CCDC137: variants seen among roughly 807,000 people sequenced by gnomAD.
CCDC137 encodes coiled-coil domain-containing protein 137.
CCDC137 carries 24 observed loss-of-function variants against 30.4 expected under a neutral mutation model. That is an observed-to-expected ratio of 0.79 (90% CI 0.57 to 1.11). The LOEUF is 1.11. Among genes scored for constraint, CCDC137 ranks in the 50% least tolerant of loss-of-function variants. The pLI, the probability that CCDC137 is intolerant of heterozygous loss-of-function variation, is 0.00. For missense variants in CCDC137, 417 were observed against 380.4 expected (o/e 1.10, Z -0.80); for synonymous variants, 182 against 155.7 (o/e 1.17, Z -1.26).
intron 4 of CCDC137, 66 bp from the exon 5 acceptor site, chr17:81,672,010 T>C (rs1303434700): frequency 4.4e-6 from 7 of 1,575,652 alleles, no homozygotes; most frequent in Non-Finnish European, 6.1e-6. Flanking sequence ...GGGCGGGTGG[T>C]GGCTCTGGGT....
At chr17:81,667,965 G>A in intron 2 of CCDC137, 103 bp downstream of exon 2, 1 of 1,385,528 alleles carries the variant, frequency 7.2e-7, no homozygotes, top group South Asian at 1.4e-5. Flanking sequence ...AATATGCCAA[G>A]ACCCGGTGCT....
At chr17:81,670,551 C>A in intron 3 of CCDC137, 98 bp downstream of exon 3, 1 of 1,060,048 alleles carries the variant, frequency 9.4e-7, no homozygotes, top group Non-Finnish European at 1.4e-6. Flanking sequence ...GTTTCATAGC[C>A]ATGGGGCAGC....
At position 81,673,830 on chromosome 17, in the gene CCDC137, C is replaced by T. The variant is rs2036752348; in HGVS notation, c.*1126C>T. ...AACCTTCCAAGTGTGAAGTGACAGC[C>T]TTGTGTGTGATGTTTTCTGCCTTCC... On this transcript the variant is annotated 3_prime_UTR_variant, in exon 6 of 6. Transcript: ENST00000329214. 2.0e-5 allele frequency: 3 copies of T among 152,200 alleles called. No individual in the cohort carries two copies. The highest frequency in any genetic ancestry group is 2.9e-5 in the Non-Finnish European group (2 of 68,044). 9.4% of individuals were successfully genotyped at this position (152,200 alleles called of 1,614,324 possible).
chr17:81,670,277 C>T lies in CCDC137; in HGVS notation c.321C>T (p.Pro107=), dbSNP rs745987889. Residue 107 remains proline, a synonymous_variant, in exon 3 of 6, where the codon CCC becomes CCT. Transcript: ENST00000329214. ...TLEKEAKGEE[P]DIAVPKFKQR... ...AGAAGGAAGCAAAGGGAGAGGAGCC[C>T]GACATCGCAGTCCCCAAGTTCAAAC... 1.2e-5 allele frequency: 19 copies of T among 1,613,860 alleles called. No individual in the cohort carries two copies. In the East Asian group the frequency reaches 1.3e-4, roughly 11 times the overall value.
At position 81,671,760 on chromosome 17, in the gene CCDC137, C is replaced by T. The variant is rs1263279546; in HGVS notation, c.514C>T (p.Leu172=). ...CTTCCCCAGGTTCCAGAAGCGGCGA[C>T]TAGATAAAGTCCGACGGAAAAAGGA... is the stretch of plus-strand genomic sequence containing the variant. ...KAKKAFQKRR[L]DKVRRKKEEK... is the part of the protein sequence containing the mutation. Residue 172 remains leucine, a synonymous_variant, in exon 4 of 6, where the codon CTA becomes TTA. Transcript: ENST00000329214. The T allele has an allele frequency of 1.9e-6, 3 of 1,612,224 alleles. No homozygotes were observed. The African/African-American group carries it at 4.0e-5, about 22-fold the overall frequency.
At chr17:81,671,271 C>T (rs185132741) in intron 3 of CCDC137, among the ~76,000 whole-genome samples, 1 of 152,176 alleles carries the variant, frequency 6.6e-6, no homozygotes, top group African/African-American at 2.4e-5. Flanking sequence ...GGCCCAGATA[C>T]AGCCTGGCGC....
chr17:81,667,640 T>C, intron 1 of CCDC137, 89 bp from the exon 2 acceptor site: 8 of 1,512,826 alleles, frequency 5.3e-6, no homozygotes, highest in Non-Finnish European at 7.2e-6. Flanking sequence ...CCGTGTAGAT[T>C]CTATTGCCAG....
chr17:81,671,451 C>T (rs1289350043), intron 3 of CCDC137: 1 of 401,424 alleles, frequency 2.5e-6, no homozygotes, highest in Non-Finnish European at 4.7e-6. Flanking sequence ...GCACAAGGTG[C>T]CAGTAGCCCT....
chr17:81,671,702 A>G, intron 3 of CCDC137, 42 bp from the exon 4 acceptor site: 3 of 1,603,426 alleles, frequency 1.9e-6, no homozygotes, highest in Non-Finnish European at 2.6e-6. Flanking sequence ...CTGGGTGGAA[A>G]GAGAATTTAG....
chr17:81,670,298 C>T lies in CCDC137; in HGVS notation c.342C>T (p.Phe114=), dbSNP rs1163681804. The T allele has an allele frequency of 6.2e-7, 1 of 1,614,002 alleles. No individual in the cohort carries two copies. Among genetic ancestry groups the T allele is most frequent in the African/African-American group, 1.3e-5 (1 of 75,056 alleles). Residue 114 remains phenylalanine, a synonymous_variant, in exon 3 of 6, where the codon TTC becomes TTT. Coordinates refer to ENST00000329214, the MANE Select transcript of CCDC137 (RefSeq NM_199287.3). ...AGCCCGACATCGCAGTCCCCAAGTT[C>T]AAACAGAGGAAGGGGGAGTCTGACG... is the stretch of plus-strand genomic sequence containing the variant. ...GEEPDIAVPK[F]KQRKGESDGA...
At chr17:81,670,527 T>C (rs1054666684) in intron 3 of CCDC137, 74 bp downstream of exon 3, 67 of 1,305,906 alleles carry the variant, frequency 5.1e-5, no homozygotes, top group Non-Finnish European at 6.7e-5. Context: ...ATGACGGCCC[T>C]CTGCAGGTAC....
rs374875403 is a variant in CCDC137, at chr17:81,669,521, G to A, written c.269-704G>A. 6.6e-5 allele frequency among the ~76,000 whole-genome samples: 10 copies of A among 152,204 alleles called. No homozygotes were observed. The South Asian group carries it at 8.3e-4, about 13-fold the overall frequency. On this transcript the variant is annotated intron_variant, in intron 2 of 5. Coordinates refer to ENST00000329214, the MANE Select transcript of CCDC137 (RefSeq NM_199287.3). Reference sequence around the variant, plus strand: ...CGCCTCCTGTGTTCTACACTCGCCCGGGGTCCTGCGCTTGCGTTCTCAGTG... The same window carrying A: ...CGCCTCCTGTGTTCTACACTCGCCCAGGGTCCTGCGCTTGCGTTCTCAGTG...
At chr17:81,672,391 G>A in intron 5 of CCDC137, 104 bp from the exon 6 acceptor site, 2 of 1,138,864 alleles carry the variant, frequency 1.8e-6, no homozygotes, top group South Asian at 1.5e-5. Context: ...TGTGGCCTGA[G>A]AGTGCAGTGT....
At chr17:81,670,479 G>A (rs961391007) in intron 3 of CCDC137, 26 bp downstream of exon 3, 18 of 1,553,906 alleles carry the variant, frequency 1.2e-5, no homozygotes, top group Admixed American at 1.7e-5. Context: ...AGGGGGAGGG[G>A]TCTGCCCTGG....
intron 2 of CCDC137, among the ~76,000 whole-genome samples, chr17:81,669,015 G>A (rs539130962): frequency 6.6e-6 from 1 of 151,538 alleles, no homozygotes; most frequent in Non-Finnish European, 1.5e-5. Context: ...TCAGCCTCCC[G>A]AGTAGCTGAG....
In CCDC137 at chr17:81,670,259, A is replaced by G. The variant is rs2036700967; in HGVS notation, c.303A>G (p.Glu101=). Residue 101 remains glutamate (E), a synonymous_variant, in exon 3 of 6, where the codon GAA becomes GAG. Coordinates refer to ENST00000329214, the MANE Select transcript of CCDC137 (RefSeq NM_199287.3). ...CCTTCAGAAAGACATTGGAGAAGGA[A>G]GCAAAGGGAGAGGAGCCCGACATCG... The part of the protein sequence containing the change: ...QVTFRKTLEK[E]AKGEEPDIAV... 1.2e-6 allele frequency: 2 copies of G among 1,613,998 alleles called. No individual in the cohort carries two copies. The highest frequency in any genetic ancestry group is 1.6e-4 in the Middle Eastern group (1 of 6,062).
intron 2 of CCDC137, among the ~76,000 whole-genome samples, chr17:81,669,496 C>G (rs547690087): frequency 6.6e-6 from 1 of 151,996 alleles, no homozygotes; most frequent in Non-Finnish European, 1.5e-5. Context: ...TGGCACTGTC[C>G]GCCTCCTGTG....
intron 2 of CCDC137, 158 bp from the exon 3 acceptor site, chr17:81,670,067 G>C (rs561184172): frequency 8.1e-6 from 5 of 620,190 alleles, no homozygotes; most frequent in African/African-American, 1.9e-5. Context: ...CGGGGATGCC[G>C]GGCCGGGCAT....
At chr17:81,671,606 C>T (rs2036720258) in intron 3 of CCDC137, 138 bp from the exon 4 acceptor site, 12 of 745,800 alleles carry the variant, frequency 1.6e-5, no homozygotes, top group South Asian at 3.3e-5. Flanking sequence ...GTAAGGGGAG[C>T]GGGGACTTGG....
Sources: gnomAD v4.1 joint callset for allele counts (sites outside exome capture counted in the v4.1 genomes callset) on GRCh38, gnomAD v4.1.1 for gene constraint, MANE v1.5 for transcripts, NCBI Gene and HGNC (gene_info 2026-07-23, HGNC 2026-07-21) for gene names.